CCDC77: variants seen among roughly 807,000 people sequenced by gnomAD.
CCDC77 encodes the protein coiled-coil domain containing 77.
CCDC77 carries 56 observed loss-of-function variants against 66.8 expected under a neutral mutation model. The observed-to-expected ratio is 0.84, with a 90% CI of 0.68 to 1.05. The LOEUF (loss-of-function observed/expected upper bound fraction) is 1.05, where lower values mean the gene tolerates loss of function less well. Ranked by LOEUF, CCDC77 falls within the 50% of genes least tolerant of loss-of-function variation. The pLI, the probability that CCDC77 is intolerant of heterozygous loss-of-function variation, is 0.00. For missense variants in CCDC77, 570 were observed against 576.8 expected, an observed-to-expected ratio of 0.99 and a Z score of 0.12; for synonymous variants, 196 against 195.2, an observed-to-expected ratio of 1.00 and a Z score of -0.03.
rs1244536690 is a variant in CCDC77 at position 416,352 on chromosome 12, T to G, written c.271-2142T>G. On this transcript the variant is annotated intron_variant, in intron 4 of 12. Coordinates refer to ENST00000239830, the MANE Select transcript of CCDC77 (RefSeq NM_032358.4). ...GTCTGTGGGTGTGTGGGGGTGTGTG[T>G]GTGTGTGTGTGTGTGTGTGTGTGTG... 1.7e-4 allele frequency among the ~76,000 whole-genome samples: 5 copies of G among 29,600 alleles called. 1 individual carries two copies. In the South Asian group the frequency reaches 8.2e-3, roughly 49 times the overall value. The allele number at this position is 29,600 out of a possible 152,430, so 19.4% of individuals were successfully genotyped here.
intron 5 of CCDC77, 50 bp downstream of exon 5, chr12:418,686 C>A (rs772356279): frequency 7.5e-6 from 11 of 1,474,958 alleles, no homozygotes; most frequent in Non-Finnish European, 1.9e-6. Context: ...AAATTACATT[C>A]ATTCATTCAT....
At chr12:419,111 G>A (rs189866692) in intron 5 of CCDC77, among the ~76,000 whole-genome samples, 89 of 152,322 alleles carry the variant, frequency 5.8e-4, no homozygotes, top group Admixed American at 2.6e-3. Flanking sequence ...TACTGGAGAA[G>A]CTCTCTGGAA....
At chr12:441,161 G>C (rs948868568) in intron 12 of CCDC77, among the ~76,000 whole-genome samples, 165 bp downstream of exon 12, 2 of 152,122 alleles carry the variant, frequency 1.3e-5, no homozygotes, top group African/African-American at 2.4e-5. Context: ...ACATGCTAGA[G>C]GGAAAATAAA....
chr12:437,933 C>T (rs1565578121), intron 9 of CCDC77, among the ~76,000 whole-genome samples: 2 of 150,914 alleles, frequency 1.3e-5, no homozygotes, highest in Non-Finnish European at 2.9e-5. Context: ...ACAGCATACA[C>T]AAAAGCAAAG....
chr12:433,808 C>T (rs574945437), intron 9 of CCDC77, among the ~76,000 whole-genome samples: 6 of 152,134 alleles, frequency 3.9e-5, no homozygotes, highest in Non-Finnish European at 7.4e-5. Flanking sequence ...AGAACTCTGC[C>T]GGTGCTTTTA....
intron 4 of CCDC77, among the ~76,000 whole-genome samples, chr12:415,482 ATAT>A (rs1456853121): frequency 1.2e-4 from 18 of 147,196 alleles, no homozygotes; most frequent in East Asian, 5.9e-4. Context: ...TAATATGTTG[ATAT>A]TATTAACATA....
chr12:433,515 G>A (rs1417067141), intron 9 of CCDC77, 193 bp downstream of exon 9: 15 of 1,348,218 alleles, frequency 1.1e-5, no homozygotes, highest in Non-Finnish European at 1.4e-5. Flanking sequence ...AAGAGCTGAT[G>A]AGTATTTCAC....
At chr12:402,571 G>T (rs964052839) in intron 1 of CCDC77, among the ~76,000 whole-genome samples, 2 of 152,200 alleles carry the variant, frequency 1.3e-5, no homozygotes, top group Non-Finnish European at 2.9e-5. Flanking sequence ...ATTTAGGAGA[G>T]TAGAGAGAAA....
rs1388310534 is a variant in CCDC77, at chr12:418,580, C to T, written c.357C>T (p.Phe119=). ...TAAGTGATATGCAGGTCTGCCTCTTCCAGGAACGGGAACATGTTTTACGCC... is the reference window on the plus strand; with the variant it reads ...TAAGTGATATGCAGGTCTGCCTCTTTCAGGAACGGGAACATGTTTTACGCC... ...KALSDMQVCL[F]QEREHVLRLY... The change falls in exon 5 of 13, where the codon TTC becomes TTT. Residue 119 remains phenylalanine, a synonymous_variant. Coordinates refer to ENST00000239830, the MANE Select transcript of CCDC77 (RefSeq NM_032358.4). The T allele has an allele frequency of 8.1e-6, 13 of 1,614,058 alleles. No individual in the cohort carries two copies. Among genetic ancestry groups the T allele is most frequent in the Non-Finnish European group, 1.1e-5 (13 of 1,179,966 alleles).
chr12:439,185 A>G (rs927563771), intron 10 of CCDC77, among the ~76,000 whole-genome samples: 1 of 152,110 alleles, frequency 6.6e-6, no homozygotes, highest in African/African-American at 2.4e-5. Context: ...TTACATTTTA[A>G]TGGGTGAGAA....
chr12:396,189 C>A (rs1381748711), intron 1 of CCDC77, among the ~76,000 whole-genome samples: 1 of 152,144 alleles, frequency 6.6e-6, no homozygotes, highest in African/African-American at 2.4e-5. Context: ...GTCAGGAGTT[C>A]GAGACCAGCC....
intron 9 of CCDC77, 44 bp downstream of exon 9, chr12:433,366 C>G (rs1287240244): frequency 6.2e-7 from 1 of 1,600,568 alleles, no homozygotes; most frequent in Admixed American, 1.7e-5. Context: ...TTGTATTTTT[C>G]TGAGTGACTT....
chr12:418,742 C>A, intron 5 of CCDC77, 106 bp downstream of exon 5: 1 of 1,275,206 alleles, frequency 7.8e-7, no homozygotes. Context: ...CTCTATTGCC[C>A]AGGCTGGAGT....
chr12:407,274 CAA>C (rs376336436), intron 2 of CCDC77, among the ~76,000 whole-genome samples: 106 of 152,238 alleles, frequency 7.0e-4, no homozygotes, highest in African/African-American at 2.3e-3. Context: ...GCATGTAAGA[CAA>C]AGAGAGGAGT....
chr12:409,718 G>A (rs1240982011), intron 3 of CCDC77: 7 of 273,554 alleles, frequency 2.6e-5, no homozygotes, highest in South Asian at 6.0e-5. Context: ...AATGTTGGCC[G>A]GGCACGGTGG....
chr12:437,866 G>C (rs1208529389), intron 9 of CCDC77, among the ~76,000 whole-genome samples: 3 of 105,162 alleles, frequency 2.9e-5, no homozygotes, highest in African/African-American at 1.1e-4. Context: ...AAAAAAAAAA[G>C]TTCTTTTTAA....
intron 9 of CCDC77, among the ~76,000 whole-genome samples, 186 bp from the exon 10 acceptor site, chr12:438,149 A>G (rs962715462): frequency 6.6e-6 from 1 of 152,226 alleles, no homozygotes; most frequent in African/African-American, 2.4e-5. Flanking sequence ...GGGTAGATAC[A>G]TTATACTTTA....
intron 4 of CCDC77, among the ~76,000 whole-genome samples, chr12:417,976 G>T (rs1451938559): frequency 6.6e-6 from 1 of 152,078 alleles, no homozygotes; most frequent in East Asian, 1.9e-4. Context: ...AGGAAGATGT[G>T]AGAGCTTTGA....
chr12:412,659 G>A (rs1945135751), intron 4 of CCDC77, among the ~76,000 whole-genome samples: 3 of 152,182 alleles, frequency 2.0e-5, no homozygotes, highest in Non-Finnish European at 4.4e-5. Flanking sequence ...GTATGGATGT[G>A]CAGAGTCACT....
Sources: allele counts gnomAD v4.1 joint callset (sites outside exome capture counted in the v4.1 genomes callset), GRCh38; gene constraint gnomAD v4.1.1; transcripts MANE v1.5; gene names NCBI Gene and HGNC (gene_info 2026-07-23, HGNC 2026-07-21).